The following CYRIA variants were observed in gnomAD, a reference collection of about 807,000 sequenced individuals.
CYRIA encodes CYFIP-related Rac1 interactor A.
Under a neutral mutation model 43.9 loss-of-function variants are expected in CYRIA, and 15 were observed. The observed-to-expected ratio is 0.34, with a 90% confidence interval of 0.23 to 0.53. The LOEUF is 0.53. Among genes scored for constraint, CYRIA ranks in the 20% least tolerant of loss-of-function variants. CYRIA has a pLI of 0.94. For synonymous variants in CYRIA, 117 were observed against 136.0 expected, an observed-to-expected ratio of 0.86 and a Z score of 0.97; for missense variants, 236 against 394.2, an observed-to-expected ratio of 0.60 and a Z score of 3.40.
chr2:16,572,679 A>T (rs753240525), intron 3 of CYRIA, among the ~76,000 whole-genome samples: 2 of 152,118 alleles, frequency 1.3e-5, no homozygotes, highest in Non-Finnish European at 2.9e-5. Context: ...GAGTATTTTT[A>T]AGAGTACAAT....
At chr2:16,591,669 T>A (rs11685029) in intron 2 of CYRIA, among the ~76,000 whole-genome samples, 1 of 151,954 alleles carries the variant, frequency 6.6e-6, no homozygotes, top group African/African-American at 2.4e-5. Flanking sequence ...ACCCTCTTAA[T>A]GTGACCTGCT....
intron 3 of CYRIA, among the ~76,000 whole-genome samples, chr2:16,581,850 T>C (rs1259370811): frequency 1.4e-4 from 21 of 152,002 alleles, no homozygotes; most frequent in Admixed American, 1.4e-3. Context: ...AACAGAAGAG[T>C]ATTCAATAAC....
chr2:16,628,379 C>G (rs566240514), intron 1 of CYRIA, among the ~76,000 whole-genome samples: 1 of 152,302 alleles, frequency 6.6e-6, no homozygotes, highest in South Asian at 2.1e-4. Flanking sequence ...TGTGAGGCCC[C>G]TGATCTCACC....
intron 3 of CYRIA, among the ~76,000 whole-genome samples, chr2:16,570,061 G>A (rs1379545944): frequency 6.6e-6 from 1 of 152,086 alleles, no homozygotes; most frequent in African/African-American, 2.4e-5. Flanking sequence ...GAAGAAATTG[G>A]TAAGATGGGA....
intron 3 of CYRIA, among the ~76,000 whole-genome samples, chr2:16,576,446 G>C (rs1290357336): frequency 6.6e-6 from 1 of 152,152 alleles, no homozygotes; most frequent in Non-Finnish European, 1.5e-5. Flanking sequence ...AAGTTTCTCA[G>C]AAAGGAAGAT....
At chr2:16,633,445 G>A (rs545678120) in intron 1 of CYRIA, among the ~76,000 whole-genome samples, 5 of 150,258 alleles carry the variant, frequency 3.3e-5, no homozygotes, top group East Asian at 3.9e-4. Context: ...ACAGGGTCTC[G>A]TTCTGTCACC....
intron 9 of CYRIA, among the ~76,000 whole-genome samples, 186 bp from the exon 10 acceptor site, chr2:16,559,772 C>CA (rs1364638848): frequency 6.6e-6 from 1 of 152,136 alleles, no homozygotes; most frequent in African/African-American, 2.4e-5. Flanking sequence ...ATTCAACCAG[C>CA]AATTCAGTGT....
intron 3 of CYRIA, among the ~76,000 whole-genome samples, chr2:16,579,618 A>G (rs1422396562): frequency 6.6e-6 from 1 of 152,234 alleles, no homozygotes; most frequent in Admixed American, 6.5e-5. Flanking sequence ...CTATGTAAAG[A>G]ATAGATTTTG....
intron 1 of CYRIA, among the ~76,000 whole-genome samples, chr2:16,665,059 C>T (rs1460617915): frequency 1.3e-5 from 2 of 152,254 alleles, no homozygotes; most frequent in East Asian, 1.9e-4. Context: ...TGGAGGAGGA[C>T]CCAGGGACGG....
chr2:16,580,091 G>A (rs1393114791), intron 3 of CYRIA, among the ~76,000 whole-genome samples: 1 of 151,982 alleles, frequency 6.6e-6, no homozygotes, highest in African/African-American at 2.4e-5. Context: ...GGGACTACAG[G>A]TGCATGCCAC....
intron 2 of CYRIA, among the ~76,000 whole-genome samples, chr2:16,610,828 C>G (rs1479623190): frequency 2.0e-5 from 3 of 149,124 alleles, no homozygotes; most frequent in African/African-American, 7.4e-5. Context: ...CTGATCCTCC[C>G]TCTATCCATC....
At chr2:16,573,619 C>T (rs952755004) in intron 3 of CYRIA, among the ~76,000 whole-genome samples, 4 of 152,154 alleles carry the variant, frequency 2.6e-5, no homozygotes, top group African/African-American at 7.2e-5. Flanking sequence ...GGGAGATAAT[C>T]GAATCATGGG....
At chr2:16,649,494 TACAGGGCATGGCTGTACAGTAC>T (rs998083545) in intron 1 of CYRIA, among the ~76,000 whole-genome samples, 3 of 151,512 alleles carry the variant, frequency 2.0e-5, no homozygotes, top group Non-Finnish European at 4.4e-5. Flanking sequence ...AGTTGTACAG[TACAGGGCATGGCTGTACAGTAC>T]ACAGGGCATG....
chr2:16,607,408 A>T (rs1175631387), intron 2 of CYRIA, among the ~76,000 whole-genome samples: 1 of 152,200 alleles, frequency 6.6e-6, no homozygotes, highest in Non-Finnish European at 1.5e-5. Flanking sequence ...TGGTTAGCAT[A>T]AACGCCTGCT....
At chr2:16,619,669 A>G (rs1016082312) in intron 2 of CYRIA, among the ~76,000 whole-genome samples, 2 of 152,196 alleles carry the variant, frequency 1.3e-5, no homozygotes, top group African/African-American at 4.8e-5. Context: ...GAAAAGATCA[A>G]TTCAAATTAG....
chr2:16,628,158 A>AATG (rs1474623977), intron 1 of CYRIA, among the ~76,000 whole-genome samples: 1 of 112,662 alleles, frequency 8.9e-6, no homozygotes, highest in Non-Finnish European at 2.0e-5. Context: ...ACAGCCCTAG[A>AATG]ATAATAACAA....
At chr2:16,576,143 G>T (rs929885155) in intron 3 of CYRIA, among the ~76,000 whole-genome samples, 5 of 152,152 alleles carry the variant, frequency 3.3e-5, no homozygotes, top group Admixed American at 3.3e-4. Flanking sequence ...AGACACTTTT[G>T]GGAGATATGG....
chr2:16,599,960 T>G (rs1042619374), intron 2 of CYRIA, among the ~76,000 whole-genome samples: 1 of 152,190 alleles, frequency 6.6e-6, no homozygotes, highest in African/African-American at 2.4e-5. Context: ...TTCACCATGT[T>G]GGCCAGGATA....
chr2:16,561,902 A>T, intron 6 of CYRIA, 103 bp downstream of exon 6: 1 of 1,081,152 alleles, frequency 9.2e-7, no homozygotes, highest in Non-Finnish European at 1.3e-6. Flanking sequence ...ATTACATCTT[A>T]CTCATTTCTC....
Sources: gnomAD v4.1 joint callset for allele counts (sites outside exome capture counted in the v4.1 genomes callset) on GRCh38, gnomAD v4.1.1 for gene constraint, MANE v1.5 for transcripts, NCBI Gene and HGNC (gene_info 2026-07-23, HGNC 2026-07-21) for gene names.